PTPRN2: variants seen among roughly 807,000 people sequenced by gnomAD.
PTPRN2 encodes receptor-type tyrosine-protein phosphatase N2.
Under a neutral mutation model 118.8 loss-of-function variants are expected in PTPRN2, and 74 were observed. The ratio of observed to expected loss-of-function variants is 0.62; its 90% CI spans 0.52 to 0.76. PTPRN2 has a LOEUF of 0.76. PTPRN2 is among the 30% of genes least tolerant of loss of function. The pLI, the probability that PTPRN2 is intolerant of heterozygous loss-of-function variation, is 0.00. For synonymous variants in PTPRN2, 641 were observed against 608.0 expected (o/e 1.05, Z -0.80); for missense variants, 1,481 against 1,394.4 (o/e 1.06, Z -0.99).
Position 157,986,842 on chromosome 7 carries a change from C to T in PTPRN2, c.1724-88105G>A, listed in dbSNP as rs980339911. Among the ~76,000 whole-genome samples, 6 of 152,072 alleles carry T rather than the reference C, an allele frequency of 3.9e-5. No homozygotes were observed. The highest frequency in any genetic ancestry group is 7.2e-5 in the African/African-American group (3 of 41,400). Reference sequence around the variant, plus strand: ...GTGCCCACCCACTGACAGGAGCTGCCGGTTTCTGACCCACTCCACCCCTCC... The same window carrying T: ...GTGCCCACCCACTGACAGGAGCTGCTGGTTTCTGACCCACTCCACCCCTCC... On this transcript the variant is annotated intron_variant, in intron 11 of 22. Coordinates refer to ENST00000389418, the MANE Select transcript of PTPRN2 (RefSeq NM_002847.5). This position sits in a 1 kb window ranked among gnomAD's most constrained non-coding sequence, Gnocchi z 4.5.
rs776982802 is a variant in PTPRN2, at chr7:158,529,317, G to C, written c.113-39532C>G. Among the ~76,000 whole-genome samples, 5 of 152,228 alleles carry C rather than the reference G, an allele frequency of 3.3e-5. No homozygotes were observed. The highest frequency in any genetic ancestry group is 7.3e-5 in the Non-Finnish European group (5 of 68,034). On this transcript the variant is annotated intron_variant, in intron 1 of 22. Transcript: ENST00000389418. The surrounding 1 kb of genome is among the most constrained non-coding windows in gnomAD (Gnocchi z 4.7). ...TCTCCATTTTGCTTTGGAATGCGTGGCATCTCTGCTGTGCAGGTGCTGACA... is the reference window on the plus strand; with the variant it reads ...TCTCCATTTTGCTTTGGAATGCGTGCCATCTCTGCTGTGCAGGTGCTGACA...
intron 11 of PTPRN2, among the ~76,000 whole-genome samples, chr7:158,057,119 C>G (rs1426812996): frequency 6.6e-6 from 1 of 152,212 alleles, no homozygotes; most frequent in Non-Finnish European, 1.5e-5. Context: ...CACCTGTGGA[C>G]GCGGGAGCAT....
chr7:158,283,597 C>T (rs560248958), intron 3 of PTPRN2, among the ~76,000 whole-genome samples: 1 of 152,288 alleles, frequency 6.6e-6, no homozygotes, highest in East Asian at 1.9e-4. Flanking sequence ...CCGCCGGGGT[C>T]ACAGCATGTC....
chr7:157,720,613 A>G (rs1799180411), intron 12 of PTPRN2, among the ~76,000 whole-genome samples: 1 of 152,230 alleles, frequency 6.6e-6, no homozygotes, highest in Admixed American at 6.5e-5. Context: ...AGTCACGTGA[A>G]TCATGTGGCT....
intron 2 of PTPRN2, among the ~76,000 whole-genome samples, chr7:158,380,223 C>A (rs1563222180): frequency 6.6e-6 from 1 of 152,206 alleles, no homozygotes; most frequent in African/African-American, 2.4e-5. Flanking sequence ...CTCATTTCAG[C>A]ATTAACTCAA....
At chr7:158,420,225 G>A (rs1815134241) in intron 2 of PTPRN2, among the ~76,000 whole-genome samples, 1 of 152,118 alleles carries the variant, frequency 6.6e-6, no homozygotes, top group Non-Finnish European at 1.5e-5. Context: ...CAGAGCATCA[G>A]CACCCCAAAG....
chr7:158,343,137 G>T (rs533088455), intron 2 of PTPRN2, among the ~76,000 whole-genome samples: 155 of 152,234 alleles, frequency 1.0e-3, no homozygotes, highest in South Asian at 4.2e-3. Context: ...AGGGAGTGGG[G>T]AAATATTTGC....
chr7:157,673,539 G>T (rs1796512407), intron 13 of PTPRN2, among the ~76,000 whole-genome samples: 2 of 147,576 alleles, frequency 1.4e-5, no homozygotes, highest in South Asian at 2.1e-4. Context: ...AATGGGAGAG[G>T]AGTAGCTAGC....
In PTPRN2 at chr7:157,938,120, T is replaced by C. The variant is rs73167723; in HGVS notation, c.1724-39383A>G. Among the ~76,000 whole-genome samples, 1,133 of 152,326 alleles carry C rather than the reference T, an allele frequency of 7.4e-3. 6 individuals carry two copies. Among genetic ancestry groups the C allele is most frequent in the Non-Finnish European group, 0.013 (874 of 68,036 alleles). ...CCCACTGCAGGGCACAGTGCTCTGG[T>C]GAGAGGAGGTCACCTCGAAGTGGGC... is the stretch of plus-strand genomic sequence containing the variant. On this transcript the variant is annotated intron_variant, in intron 11 of 22. Transcript: ENST00000389418.
intron 6 of PTPRN2, among the ~76,000 whole-genome samples, chr7:158,149,945 G>A (rs529411561): frequency 3.9e-5 from 6 of 152,186 alleles, no homozygotes; most frequent in African/African-American, 1.4e-4. Flanking sequence ...TAAAACATAT[G>A]AAAAATAAAA....
intron 12 of PTPRN2, among the ~76,000 whole-genome samples, chr7:157,700,696 C>T (rs1383921072): frequency 6.6e-5 from 10 of 152,158 alleles, no homozygotes; most frequent in Non-Finnish European, 1.5e-5. Flanking sequence ...CCAACCCTTC[C>T]TCACACCCAT....
intron 12 of PTPRN2, among the ~76,000 whole-genome samples, chr7:157,714,564 C>A (rs1242267389): frequency 6.6e-6 from 1 of 152,180 alleles, no homozygotes; most frequent in African/African-American, 2.4e-5. Context: ...AAAATGCTCA[C>A]CCTAATTTCT....
chr7:158,303,185 A>C (rs990714480), intron 3 of PTPRN2, among the ~76,000 whole-genome samples: 2 of 151,588 alleles, frequency 1.3e-5, no homozygotes, highest in Non-Finnish European at 2.9e-5. Context: ...AAAAAAAAAA[A>C]TTCTTTGGAG....
intron 21 of PTPRN2, 79 bp from the exon 22 acceptor site, chr7:157,549,098 G>C: frequency 3.6e-6 from 5 of 1,390,744 alleles, no homozygotes; most frequent in Non-Finnish European, 5.1e-6. Flanking sequence ...TGCTAGCCAC[G>C]TTCCCTCTGG....
intron 17 of PTPRN2, among the ~76,000 whole-genome samples, chr7:157,588,378 G>A (rs1021233142): frequency 4.6e-5 from 7 of 152,184 alleles, no homozygotes; most frequent in Non-Finnish European, 8.8e-5. Context: ...ATGGAATATC[G>A]ATGCCCGCGG....
chr7:157,721,354 G>A lies in PTPRN2; in HGVS notation c.1789-38417C>T, dbSNP rs1204276957. On this transcript the variant is annotated intron_variant, in intron 12 of 22. Transcript: ENST00000389418. ...CCATCCACATCCCTTCATGTGCCAT[G>A]TTCGCATCATGAGCAATGTTGTAAT... Among the ~76,000 whole-genome samples, 3 of 152,212 alleles carry A rather than the reference G, an allele frequency of 2.0e-5. No homozygotes were observed. The East Asian group carries it at 5.8e-4, about 29-fold the overall frequency.
chr7:158,298,595 A>C (rs113782649), intron 3 of PTPRN2, among the ~76,000 whole-genome samples: 3 of 152,332 alleles, frequency 2.0e-5, no homozygotes, highest in African/African-American at 7.2e-5. Flanking sequence ...AAGAATGAAG[A>C]GCTTGCGGGG....
At chr7:158,272,728 C>T (rs755635804) in intron 3 of PTPRN2, among the ~76,000 whole-genome samples, 10 of 152,146 alleles carry the variant, frequency 6.6e-5, no homozygotes, top group Non-Finnish European at 1.0e-4. Flanking sequence ...GAGACAGTCG[C>T]ATCTGCCAGA....
chr7:158,084,803 GATGCCCATACACTCCTACA>G (rs1307415008), intron 10 of PTPRN2, among the ~76,000 whole-genome samples: 1 of 115,868 alleles, frequency 8.6e-6, no homozygotes, highest in African/African-American at 3.4e-5. Context: ...CATCCACACG[GATGCCCATACACTCCTACA>G]ATGCCCATCC....
Sources: gnomAD v4.1 joint callset for allele counts (sites outside exome capture counted in the v4.1 genomes callset) on GRCh38, gnomAD v4.1.1 for gene constraint, Gnocchi (gnomAD v3.1) non-coding constraint, MANE v1.5 for transcripts, NCBI Gene and HGNC (gene_info 2026-07-23, HGNC 2026-07-21) for gene names.